WWP2: variants seen among roughly 807,000 people sequenced by gnomAD.
WWP2 encodes the protein WW domain containing E3 ubiquitin protein ligase 2.
In WWP2, 57 loss-of-function variants were observed where a neutral mutation model predicts 121.0. That is an observed-to-expected ratio of 0.47 (90% CI 0.38 to 0.59). WWP2 has a LOEUF of 0.59. Among genes scored for constraint, WWP2 ranks in the 20% least tolerant of loss-of-function variants. WWP2 has a pLI of 0.00. For synonymous variants in WWP2, 449 were observed against 441.3 expected (o/e 1.02, Z -0.22); for missense variants, 962 against 1,158.9 (o/e 0.83, Z 2.47).
chr16:69,775,597 A>G (rs2055509888), intron 1 of WWP2, among the ~76,000 whole-genome samples: 1 of 152,196 alleles, frequency 6.6e-6, no homozygotes, highest in African/African-American at 2.4e-5. Flanking sequence ...CCTAGTAATC[A>G]TAGTTATTTT....
intron 1 of WWP2, among the ~76,000 whole-genome samples, chr16:69,772,583 A>G (rs568489382): frequency 3.9e-5 from 6 of 152,176 alleles, no homozygotes; most frequent in Non-Finnish European, 8.8e-5. Flanking sequence ...GCTCAGGGGC[A>G]GTTTTGCTGT....
At chr16:69,843,647 C>T (rs1396033047) in intron 6 of WWP2, among the ~76,000 whole-genome samples, 4 of 151,920 alleles carry the variant, frequency 2.6e-5, no homozygotes, top group Admixed American at 6.6e-5. Flanking sequence ...GTGGGAGGAT[C>T]GCTTGAGGCC....
At chr16:69,808,698 G>A (rs1033731423) in intron 4 of WWP2, among the ~76,000 whole-genome samples, 8 of 152,220 alleles carry the variant, frequency 5.3e-5, no homozygotes, top group East Asian at 1.9e-4. Flanking sequence ...CACTGCGCCC[G>A]GCCATGGCCT....
chr16:69,787,777 A>AC (rs1344699756), intron 2 of WWP2, among the ~76,000 whole-genome samples: 17 of 152,138 alleles, frequency 1.1e-4, no homozygotes, highest in African/African-American at 3.6e-4. Flanking sequence ...CCAGTTTGTT[A>AC]CCTTCACTTG....
intron 13 of WWP2, 102 bp from the exon 14 acceptor site, chr16:69,931,050 C>A: frequency 8.8e-7 from 1 of 1,132,678 alleles, no homozygotes; most frequent in Non-Finnish European, 1.3e-6. Flanking sequence ...CATTACTAAT[C>A]TTTAAATTAA....
intron 11 of WWP2, among the ~76,000 whole-genome samples, chr16:69,926,306 G>C (rs1204879072): frequency 1.3e-5 from 2 of 152,202 alleles, no homozygotes; most frequent in African/African-American, 2.4e-5. Flanking sequence ...GGGAGCAGAA[G>C]AAAGCAGTTT....
Position 69,888,233 on chromosome 16 carries a change from G to A in WWP2, c.898G>A (p.Asp300Asn), listed in dbSNP as rs770374654. 9.3e-6 allele frequency: 15 copies of A among 1,613,988 alleles called. No individual in the cohort carries two copies. Among genetic ancestry groups the A allele is most frequent in the African/African-American group, 1.3e-5 (1 of 74,930 alleles). The part of the protein sequence containing the change: ...QQLPAAAQAP[D>N]ALPAGWEQRE... ...GCTCCCAGCGGCTGCCCAGGCCCCC[G>A]ACGCTCTGCCTGCTGGGTGAGTAGT... Residue 300 changes from aspartate to asparagine, a missense_variant, in exon 8 of 24, where the codon GAC (aspartate) becomes AAC (asparagine). By Grantham distance (23) the Asp-to-Asn change is conservative. This residue lies in a region of WWP2 where 606 missense variants were observed against 772.6 expected (regional missense o/e 0.78). Transcript: ENST00000359154.
chr16:69,766,604 C>T (rs563805545), intron 1 of WWP2, among the ~76,000 whole-genome samples: 92 of 152,248 alleles, frequency 6.0e-4, no homozygotes, highest in Non-Finnish European at 8.5e-4. Flanking sequence ...CTGACTGGTC[C>T]CAAAACCTGC....
At chr16:69,898,027 CTTT>C (rs369977148) in intron 8 of WWP2, among the ~76,000 whole-genome samples, 11 of 128,128 alleles carry the variant, frequency 8.6e-5, no homozygotes, top group East Asian at 2.3e-4. Flanking sequence ...TTCTTTCTTT[CTTT>C]TTTTTTTTTT....
chr16:69,925,510 C>T lies in WWP2; in HGVS notation c.1234+26C>T. 1 of 1,611,992 alleles carries T rather than the reference C, an allele frequency of 6.2e-7. No homozygotes were observed. Among genetic ancestry groups the T allele is most frequent in the Non-Finnish European group, 8.5e-7 (1 of 1,179,240 alleles). ...GTAAGTACTGAGTTCTCTTCCTGGC[C>T]CTTGGCCTTCCGTCAGCCACGGTGC... On this transcript the variant is annotated intron_variant, in intron 11 of 23. Coordinates refer to ENST00000359154, the MANE Select transcript of WWP2 (RefSeq NM_001270454.2). The surrounding 1 kb of genome is among the most constrained non-coding windows in gnomAD (Gnocchi z 4.0).
chr16:69,900,843 G>A (rs550402118), intron 8 of WWP2, among the ~76,000 whole-genome samples: 131 of 152,194 alleles, frequency 8.6e-4, no homozygotes, highest in Non-Finnish European at 1.5e-3. Flanking sequence ...AACCTCTATT[G>A]AGGAGCTTTG....
At chr16:69,780,228 AG>A (rs2055635134) in intron 1 of WWP2, among the ~76,000 whole-genome samples, 1 of 150,230 alleles carries the variant, frequency 6.7e-6, no homozygotes, top group Non-Finnish European at 1.5e-5. Flanking sequence ...TGTACACCAA[AG>A]ACATCGTACT....
rs2058801335 is a variant in WWP2 at position 69,936,531 on chromosome 16, C to T, written c.2117+79C>T. 24 of 1,576,832 alleles carry T rather than the reference C, an allele frequency of 1.5e-5. No individual in the cohort carries two copies. In the Middle Eastern group the frequency reaches 1.6e-3, roughly 107 times the overall value. ...GGTTGCAGAGAAAGATGGGCCCCCA[C>T]CTGTGGCCCATCGGTCACTGTGGAT... is the stretch of plus-strand genomic sequence containing the variant. On this transcript the variant is annotated intron_variant, in intron 19 of 23. Coordinates refer to ENST00000359154, the MANE Select transcript of WWP2 (RefSeq NM_001270454.2).
chr16:69,787,153 C>A, intron 2 of WWP2, 73 bp downstream of exon 2: 1 of 1,340,314 alleles, frequency 7.5e-7, no homozygotes, highest in South Asian at 1.5e-5. Flanking sequence ...ACACCTTGGT[C>A]TGGGGAGCCA....
intron 2 of WWP2, among the ~76,000 whole-genome samples, chr16:69,789,569 C>T (rs1253837517): frequency 1.3e-5 from 2 of 152,124 alleles, no homozygotes; most frequent in African/African-American, 4.8e-5. Context: ...TTCAGTGCTC[C>T]TCCTTGGAAA....
Position 69,937,544 on chromosome 16 carries a change from C to G in WWP2, c.2239-4C>G. Reference sequence around the variant, plus strand: ...CGGGGATGCTGACTGCCGCCTCTCCCCAGCTGATGCTGTGCGGCATGCAGG... The same window carrying G: ...CGGGGATGCTGACTGCCGCCTCTCCGCAGCTGATGCTGTGCGGCATGCAGG... On this transcript the variant is annotated splice_region_variant and splice_polypyrimidine_tract_variant and intron_variant, in intron 20 of 23. Coordinates refer to ENST00000359154, the MANE Select transcript of WWP2 (RefSeq NM_001270454.2). The surrounding 1 kb of genome is among the most constrained non-coding windows in gnomAD (Gnocchi z 6.6). The G allele has an allele frequency of 6.2e-7, 1 of 1,613,944 alleles. No homozygotes were observed. Among genetic ancestry groups the G allele is most frequent in the East Asian group, 2.2e-5 (1 of 44,882 alleles).
intron 4 of WWP2, among the ~76,000 whole-genome samples, chr16:69,819,823 A>G (rs1438605014): frequency 3.3e-5 from 5 of 152,174 alleles, no homozygotes; most frequent in East Asian, 1.9e-4. Context: ...GAATTTTTCA[A>G]TCGCCCCAGT....
chr16:69,904,947 A>G (rs112506420), intron 8 of WWP2, among the ~76,000 whole-genome samples: 7 of 152,234 alleles, frequency 4.6e-5, no homozygotes, highest in African/African-American at 1.7e-4. Flanking sequence ...GCAAACTACA[A>G]CCTAACTTAG....
At chr16:69,836,853 C>T (rs1248630139) in intron 4 of WWP2, among the ~76,000 whole-genome samples, 4 of 152,110 alleles carry the variant, frequency 2.6e-5, no homozygotes, top group Non-Finnish European at 4.4e-5. Flanking sequence ...TGAGCTCAAG[C>T]GACCCACCCA....
Sources: allele counts gnomAD v4.1 joint callset (sites outside exome capture counted in the v4.1 genomes callset), GRCh38; gene constraint gnomAD v4.1.1; regional missense constraint gnomAD v4.1.1; non-coding constraint Gnocchi (gnomAD v3.1); transcripts MANE v1.5; gene names NCBI Gene and HGNC (gene_info 2026-07-23, HGNC 2026-07-21).